Variants in BTBD9 observed in about 807,000 individuals in gnomAD.
BTBD9 encodes the protein BTB/POZ domain-containing protein 9.
A neutral mutation model predicts 64.3 loss-of-function variants in BTBD9; 49 were observed. The observed-to-expected ratio is 0.76, with a 90% confidence interval of 0.61 to 0.97. The LOEUF (loss-of-function observed/expected upper bound fraction) is 0.97, where lower values mean the gene tolerates loss of function less well. Ranked by LOEUF, BTBD9 falls within the 50% of genes least tolerant of loss-of-function variation. The pLI is 0.00. For missense variants in BTBD9, 598 were observed against 762.1 expected (o/e 0.78, Z 2.53); for synonymous variants, 260 against 274.7 (o/e 0.95, Z 0.53).
chr6:38,314,546 CTTT>C (rs1762963801), intron 7 of BTBD9, among the ~76,000 whole-genome samples: 1 of 152,060 alleles, frequency 6.6e-6, no homozygotes, highest in Non-Finnish European at 1.5e-5. Context: ...ATTAGTTCTT[CTTT>C]AAGTATTTGG....
intron 7 of BTBD9, among the ~76,000 whole-genome samples, chr6:38,302,925 G>C (rs924908947): frequency 6.6e-6 from 1 of 151,702 alleles, no homozygotes; most frequent in Non-Finnish European, 1.5e-5. Flanking sequence ...CATACCCATT[G>C]GCCATTTGTA....
intron 6 of BTBD9, among the ~76,000 whole-genome samples, chr6:38,435,619 C>CCTCCCT (rs151124406): frequency 3.4e-4 from 2 of 5,902 alleles, no homozygotes; most frequent in Non-Finnish European, 8.6e-4. Context: ...TCCTTCCCTC[C>CCTCCCT]CCCTCCCTCC....
chr6:38,532,380 T>C (rs1047913328), intron 6 of BTBD9, among the ~76,000 whole-genome samples: 3 of 152,118 alleles, frequency 2.0e-5, no homozygotes, highest in African/African-American at 7.2e-5. Context: ...GAGACTATAC[T>C]CCTAGGTGAG....
At position 38,593,961 on chromosome 6, in the gene BTBD9, C is replaced by G. The variant is rs1200594495; in HGVS notation, c.549+3G>C. The G allele has an allele frequency of 6.2e-7, 1 of 1,606,820 alleles. No homozygotes were observed. Among genetic ancestry groups the G allele is most frequent in the Admixed American group, 1.7e-5 (1 of 59,444 alleles). ...ATAAATTACTTGTAGACAAATGACA[C>G]ACCTTAGAAAGGGAGAGGAAACCTT... On this transcript the variant is annotated splice_donor_region_variant and intron_variant, in intron 3 of 10. Transcript: ENST00000481247.
chr6:38,559,021 A>G (rs1394607961), intron 6 of BTBD9, among the ~76,000 whole-genome samples: 1 of 152,116 alleles, frequency 6.6e-6, no homozygotes, highest in Admixed American at 6.5e-5. Flanking sequence ...CATCTGGTCC[A>G]GGGTTTTTTG....
intron 8 of BTBD9, among the ~76,000 whole-genome samples, chr6:38,262,715 G>C (rs1764836111): frequency 1.3e-5 from 2 of 152,086 alleles, no homozygotes; most frequent in South Asian, 4.1e-4. Context: ...TAAAATAGTT[G>C]CTCTCTCATC....
chr6:38,457,251 G>C (rs1338535027), intron 6 of BTBD9, among the ~76,000 whole-genome samples: 2 of 152,148 alleles, frequency 1.3e-5, no homozygotes, highest in African/African-American at 4.8e-5. Flanking sequence ...TTTATGCAGA[G>C]AGTAATTTGA....
At chr6:38,540,237 G>T (rs572999373) in intron 6 of BTBD9, among the ~76,000 whole-genome samples, 1 of 152,188 alleles carries the variant, frequency 6.6e-6, no homozygotes, top group Non-Finnish European at 1.5e-5. Context: ...CCTGGGTCAA[G>T]TTCCATCTTT....
At chr6:38,447,296 T>TA (rs1769317649) in intron 6 of BTBD9, among the ~76,000 whole-genome samples, 1 of 152,212 alleles carries the variant, frequency 6.6e-6, no homozygotes, top group Non-Finnish European at 1.5e-5. Flanking sequence ...AGCAATTCGT[T>TA]ACAATTCGGC....
intron 6 of BTBD9, among the ~76,000 whole-genome samples, chr6:38,527,914 A>G (rs1773581234): frequency 6.6e-6 from 1 of 152,008 alleles, no homozygotes; most frequent in South Asian, 2.1e-4. Context: ...CAAGAACACC[A>G]AATTTAACAA....
chr6:38,631,532 C>A (rs756639115), intron 1 of BTBD9, among the ~76,000 whole-genome samples: 31 of 152,198 alleles, frequency 2.0e-4, no homozygotes, highest in Non-Finnish European at 4.1e-4. Context: ...CTTGCTCTCT[C>A]TTGCATCACT....
chr6:38,354,299 T>C (rs1764633915), intron 6 of BTBD9, among the ~76,000 whole-genome samples: 2 of 152,164 alleles, frequency 1.3e-5, no homozygotes. Flanking sequence ...CACTTCTGCA[T>C]ATTGTACAAA....
chr6:38,487,968 C>A (rs1365610814), intron 6 of BTBD9, among the ~76,000 whole-genome samples: 1 of 152,080 alleles, frequency 6.6e-6, no homozygotes, highest in Non-Finnish European at 1.5e-5. Context: ...AATGGGTGCA[C>A]AAAGTATGAA....
intron 6 of BTBD9, among the ~76,000 whole-genome samples, chr6:38,420,746 C>T (rs1415379513): frequency 6.6e-6 from 1 of 152,058 alleles, no homozygotes; most frequent in Non-Finnish European, 1.5e-5. Flanking sequence ...GTCTCAGCTA[C>T]TCAGGAGGCC....
At chr6:38,375,934 AG>A (rs1765671045) in intron 6 of BTBD9, among the ~76,000 whole-genome samples, 6 of 115,604 alleles carry the variant, frequency 5.2e-5, no homozygotes, top group East Asian at 3.6e-4. Context: ...AAAGAAAGAA[AG>A]AAAGAAGGAA....
intron 6 of BTBD9, among the ~76,000 whole-genome samples, chr6:38,490,382 G>A (rs1582518239): frequency 1.3e-5 from 2 of 152,144 alleles, no homozygotes; most frequent in Middle Eastern, 3.4e-3. Context: ...GTGCAGTGGC[G>A]CAATCTCGGC....
intron 1 of BTBD9, among the ~76,000 whole-genome samples, chr6:38,626,159 T>A (rs531529466): frequency 2.0e-5 from 3 of 152,284 alleles, no homozygotes; most frequent in South Asian, 2.1e-4. Context: ...TTAAAAAAAA[T>A]TTTATTATTT....
At chr6:38,416,924 G>A (rs1767694496) in intron 6 of BTBD9, among the ~76,000 whole-genome samples, 1 of 151,926 alleles carries the variant, frequency 6.6e-6, no homozygotes, top group African/African-American at 2.4e-5. Context: ...GGACCTCGTG[G>A]TTTTGTTTTG....
At chr6:38,248,047 G>A (rs887396238) in intron 9 of BTBD9, among the ~76,000 whole-genome samples, 5 of 151,918 alleles carry the variant, frequency 3.3e-5, no homozygotes, top group Non-Finnish European at 7.4e-5. Context: ...ATACAAAGTC[G>A]ACCATTATGA....
Sources: gnomAD v4.1 joint callset for allele counts (sites outside exome capture counted in the v4.1 genomes callset) on GRCh38, gnomAD v4.1.1 for gene constraint, MANE v1.5 for transcripts, NCBI Gene and HGNC (gene_info 2026-07-23, HGNC 2026-07-21) for gene names.